Variants in BMPR1A observed in about 807,000 individuals in gnomAD.
BMPR1A encodes the protein bone morphogenetic protein receptor type 1A.
Under a neutral mutation model 66.0 loss-of-function variants are expected in BMPR1A, and 7 were observed. The ratio of observed to expected loss-of-function variants is 0.11; its 90% CI spans 0.06 to 0.20. The LOEUF (loss-of-function observed/expected upper bound fraction) is 0.20. Among genes scored for constraint, BMPR1A ranks in the 10% least tolerant of loss-of-function variants. The probability of loss-of-function intolerance (pLI) is 1.00; values close to 1 mark genes in which losing one functional copy is unlikely to be tolerated. For synonymous variants in BMPR1A, 200 were observed against 229.7 expected, an observed-to-expected ratio of 0.87 and a Z score of 1.17; for missense variants, 408 against 669.1, an observed-to-expected ratio of 0.61 and a Z score of 4.31.
chr10:86,837,464 G>A (rs1842369673), intron 1 of BMPR1A, among the ~76,000 whole-genome samples: 2 of 152,142 alleles, frequency 1.3e-5, no homozygotes, highest in Admixed American at 1.3e-4. Context: ...GTGATTGCCT[G>A]CTCTCTCTCC....
intron 3 of BMPR1A, among the ~76,000 whole-genome samples, chr10:86,882,162 G>C (rs942825729): frequency 2.0e-5 from 3 of 152,164 alleles, no homozygotes; most frequent in African/African-American, 7.2e-5. Context: ...TGGGTTCATT[G>C]TACAGTTTTC....
At chr10:86,784,453 C>T (rs749722468) in intron 1 of BMPR1A, among the ~76,000 whole-genome samples, 2 of 152,140 alleles carry the variant, frequency 1.3e-5, no homozygotes, top group African/African-American at 2.4e-5. Flanking sequence ...ATAAGGCTCC[C>T]TCAGTCATCG....
At chr10:86,780,280 CT>C (rs1426033738) in intron 1 of BMPR1A, among the ~76,000 whole-genome samples, 1 of 152,062 alleles carries the variant, frequency 6.6e-6, no homozygotes, top group African/African-American at 2.4e-5. Flanking sequence ...TTAATGGGTT[CT>C]TTTGCTGTGC....
intron 1 of BMPR1A, among the ~76,000 whole-genome samples, chr10:86,794,108 A>G (rs1264785998): frequency 6.6e-6 from 1 of 152,236 alleles, no homozygotes; most frequent in African/African-American, 2.4e-5. Context: ...ACACATCTGC[A>G]AAGTCCCTTT....
intron 8 of BMPR1A, among the ~76,000 whole-genome samples, chr10:86,912,618 C>T (rs181679704): frequency 2.6e-5 from 4 of 152,156 alleles, no homozygotes; most frequent in Non-Finnish European, 4.4e-5. Flanking sequence ...TTATAGGAAC[C>T]AAGTCCTACA....
chr10:86,915,356 T>C (rs1170747465), intron 8 of BMPR1A, among the ~76,000 whole-genome samples: 1 of 152,226 alleles, frequency 6.6e-6, no homozygotes, highest in East Asian at 1.9e-4. Flanking sequence ...TTTTACGTTA[T>C]TAAAATATTC....
At chr10:86,913,282 C>T (rs181871413) in intron 8 of BMPR1A, among the ~76,000 whole-genome samples, 1 of 143,646 alleles carries the variant, frequency 7.0e-6, no homozygotes, top group Non-Finnish European at 1.5e-5. Flanking sequence ...ACCACCACAC[C>T]AGGCTAATTT....
intron 5 of BMPR1A, among the ~76,000 whole-genome samples, chr10:86,896,508 G>A (rs983169687): frequency 5.3e-5 from 8 of 152,106 alleles, no homozygotes; most frequent in African/African-American, 1.4e-4. Context: ...ACTTTAGGAC[G>A]TAATTATCAT....
chr10:86,773,602 A>G lies in BMPR1A; in HGVS notation c.-268+16683A>G, dbSNP rs1242664317. On this transcript the variant is annotated intron_variant, in intron 1 of 12. Coordinates refer to ENST00000372037, the MANE Select transcript of BMPR1A (RefSeq NM_004329.3). ...GCAAGACTCCGTCTCAGAAAGAAAA[A>G]AAAAAAAAAAAAAAACACAACACCA... 4.6e-5 allele frequency among the ~76,000 whole-genome samples: 7 copies of G among 150,730 alleles called. No homozygotes were observed. The Middle Eastern group carries it at 0.01, about 223-fold the overall frequency.
chr10:86,854,513 A>T (rs1228840577), intron 2 of BMPR1A, among the ~76,000 whole-genome samples: 1 of 152,224 alleles, frequency 6.6e-6, no homozygotes, highest in Non-Finnish European at 1.5e-5. Context: ...AAAAGTATTA[A>T]TTTGGGGAAC....
intron 2 of BMPR1A, among the ~76,000 whole-genome samples, chr10:86,853,478 T>A (rs1173570451): frequency 6.6e-6 from 1 of 152,248 alleles, no homozygotes; most frequent in Non-Finnish European, 1.5e-5. Flanking sequence ...GAGATGGCAC[T>A]GTAAACCAAA....
intron 1 of BMPR1A, among the ~76,000 whole-genome samples, chr10:86,793,599 C>T (rs1319089559): frequency 6.6e-6 from 1 of 152,078 alleles, no homozygotes; most frequent in Non-Finnish European, 1.5e-5. Flanking sequence ...ATCTGCCTGC[C>T]TCGGCCTCCC....
At chr10:86,761,632 G>A (rs746202772) in intron 1 of BMPR1A, among the ~76,000 whole-genome samples, 2 of 152,186 alleles carry the variant, frequency 1.3e-5, no homozygotes, top group Non-Finnish European at 2.9e-5. Context: ...TTTATATCCT[G>A]CTCAAGGTCA....
At chr10:86,802,180 T>C (rs1435906650) in intron 1 of BMPR1A, among the ~76,000 whole-genome samples, 2 of 152,140 alleles carry the variant, frequency 1.3e-5, no homozygotes, top group Non-Finnish European at 1.5e-5. Context: ...GTGACACAAC[T>C]CTGCATATAG....
chr10:86,837,253 G>C (rs112156605), intron 1 of BMPR1A, among the ~76,000 whole-genome samples: 2 of 134,328 alleles, frequency 1.5e-5, no homozygotes, highest in African/African-American at 2.8e-5. Context: ...GTGTCTGTGT[G>C]TGTGTGTGTG....
downstream of BMPR1A, chr10:86,932,157 A>G (rs1240072355): frequency 6.6e-6 from 1 of 152,208 alleles, no homozygotes; most frequent in Non-Finnish European, 1.5e-5. Context: ...AATGTTTGTA[A>G]TGTCCATGTA....
intron 2 of BMPR1A, among the ~76,000 whole-genome samples, chr10:86,839,783 ACATAG>A (rs1385841692): frequency 2.0e-5 from 3 of 151,582 alleles, no homozygotes; most frequent in Non-Finnish European, 4.4e-5. Flanking sequence ...TCAGTCTCCC[ACATAG>A]CTGGGACTAC....
downstream of BMPR1A, chr10:86,931,970 G>A (rs1843814716): frequency 2.0e-5 from 3 of 152,108 alleles, no homozygotes; most frequent in African/African-American, 7.2e-5. Flanking sequence ...GCCCATCTGA[G>A]TTTATTTCAA....
At chr10:86,771,013 A>G (rs939466670) in intron 1 of BMPR1A, among the ~76,000 whole-genome samples, 1 of 152,192 alleles carries the variant, frequency 6.6e-6, no homozygotes, top group Admixed American at 6.5e-5. Context: ...TCACAGTACT[A>G]TAGATGACCA....
Sources: allele counts gnomAD v4.1 joint callset (sites outside exome capture counted in the v4.1 genomes callset), GRCh38; gene constraint gnomAD v4.1.1; transcripts MANE v1.5; gene names NCBI Gene and HGNC (gene_info 2026-07-23, HGNC 2026-07-21).